The following C1orf21 variants were observed in gnomAD, a reference collection of about 807,000 sequenced individuals.
C1orf21 encodes the protein chromosome 1 open reading frame 21.
In C1orf21, 3 loss-of-function variants were observed where a neutral mutation model predicts 18.7. The ratio of observed to expected loss-of-function variants is 0.16; its 90% CI spans 0.07 to 0.42. C1orf21 has a LOEUF of 0.42. C1orf21 is among the 10% of genes least tolerant of loss of function. The probability of loss-of-function intolerance (pLI) is 0.99; values close to 1 mark genes in which losing one functional copy is unlikely to be tolerated. For synonymous variants in C1orf21, 41 were observed against 46.4 expected (o/e 0.88, Z 0.47); for missense variants, 104 against 143.6 (o/e 0.72, Z 1.41).
In C1orf21 at chr1:184,430,922, G is replaced by A. The variant is rs139568106; in HGVS notation, c.-125+43554G>A. Among the ~76,000 whole-genome samples, 991 of 152,260 alleles carry A rather than the reference G, an allele frequency of 6.5e-3. 9 individuals carry two copies. Among genetic ancestry groups the A allele is most frequent in the African/African-American group, 0.022 (896 of 41,546 alleles). The stretch of plus-strand genomic sequence containing the variant: ...ATTGATTCTTCCTATCCATGAGCAC[G>A]GAATGTTTTTCCATTTGTTTGTGTC... On this transcript the variant is annotated intron_variant, in intron 1 of 5. Coordinates refer to ENST00000235307, the MANE Select transcript of C1orf21 (RefSeq NM_030806.4).
chr1:184,444,513 G>GC (rs1182068014), intron 1 of C1orf21, among the ~76,000 whole-genome samples: 1 of 152,052 alleles, frequency 6.6e-6, no homozygotes, highest in Admixed American at 6.6e-5. Flanking sequence ...GGCCTCCCCA[G>GC]CCATGTGGAA....
intron 1 of C1orf21, among the ~76,000 whole-genome samples, chr1:184,418,229 A>T (rs60492074): frequency 0.44 from 66,874 of 151,432 alleles, 18,987 homozygotes; most frequent in African/African-American, 0.82. Context: ...ACTTCTCTTT[A>T]TTTTTTGGAG....
chr1:184,499,693 G>C (rs1657944646), intron 2 of C1orf21, among the ~76,000 whole-genome samples: 1 of 151,930 alleles, frequency 6.6e-6, no homozygotes, highest in African/African-American at 2.4e-5. Context: ...AACTGACTTG[G>C]TAGTTAAGAG....
intron 1 of C1orf21, among the ~76,000 whole-genome samples, chr1:184,437,370 C>T (rs750647500): frequency 6.6e-6 from 1 of 152,108 alleles, no homozygotes; most frequent in Non-Finnish European, 1.5e-5. Flanking sequence ...TCAGGAAATC[C>T]TTGTCTCATA....
At chr1:184,517,396 A>G (rs1306675984) in intron 3 of C1orf21, among the ~76,000 whole-genome samples, 1 of 152,184 alleles carries the variant, frequency 6.6e-6, no homozygotes, top group Non-Finnish European at 1.5e-5. Flanking sequence ...ATGACTATTT[A>G]CCTTTGAGTT....
At chr1:184,402,832 C>G (rs1475104304) in intron 1 of C1orf21, among the ~76,000 whole-genome samples, 1 of 152,154 alleles carries the variant, frequency 6.6e-6, no homozygotes, top group African/African-American at 2.4e-5. Flanking sequence ...TCGCGTCTAC[C>G]AGATTGACAA....
Position 184,623,518 on chromosome 1 carries a change from T to A in C1orf21, c.*3962T>A, listed in dbSNP as rs1052432913. 2 of 152,064 alleles carry A rather than the reference T, an allele frequency of 1.3e-5. No individual in the cohort carries two copies. The highest frequency in any genetic ancestry group is 4.8e-5 in the African/African-American group (2 of 41,378). The allele number at this position is 152,064 out of a possible 1,614,324, so 9.4% of individuals were successfully genotyped here. On this transcript the variant is annotated 3_prime_UTR_variant, in exon 6 of 6. Transcript: ENST00000235307. ...ACCAAAAAAAATAATAAGGCATGAT[T>A]GGTGGGGAGGGAATGTGTATTTAGG...
intron 1 of C1orf21, among the ~76,000 whole-genome samples, chr1:184,404,234 C>T (rs1320230798): frequency 6.6e-6 from 1 of 152,152 alleles, no homozygotes; most frequent in African/African-American, 2.4e-5. Context: ...CTTTCTGTTC[C>T]AGAGTATCTT....
intron 3 of C1orf21, among the ~76,000 whole-genome samples, chr1:184,569,342 A>T (rs1659078534): frequency 6.6e-6 from 1 of 152,210 alleles, no homozygotes; most frequent in South Asian, 2.1e-4. Flanking sequence ...CATTTCCATC[A>T]TCAGTGGTCA....
intron 3 of C1orf21, among the ~76,000 whole-genome samples, chr1:184,575,355 A>G (rs540300502): frequency 6.8e-4 from 103 of 152,278 alleles, no homozygotes; most frequent in Non-Finnish European, 1.3e-3. Context: ...CACAACAGAG[A>G]TGACTCTTGT....
intron 3 of C1orf21, among the ~76,000 whole-genome samples, chr1:184,574,841 T>C (rs1019572763): frequency 6.6e-6 from 1 of 152,256 alleles, no homozygotes; most frequent in Non-Finnish European, 1.5e-5. Flanking sequence ...TCTTTCTCCC[T>C]GACCAGCAGC....
chr1:184,491,572 G>C (rs550234678), intron 2 of C1orf21, among the ~76,000 whole-genome samples: 1 of 152,058 alleles, frequency 6.6e-6, no homozygotes, highest in Admixed American at 6.6e-5. Flanking sequence ...GGCTGTTCTC[G>C]AACTCCTGAG....
intron 1 of C1orf21, among the ~76,000 whole-genome samples, chr1:184,396,881 T>C (rs1261684824): frequency 1.3e-5 from 2 of 152,262 alleles, no homozygotes; most frequent in Admixed American, 1.3e-4. Flanking sequence ...TATTTGTTTT[T>C]GATCCTTTTG....
At chr1:184,515,183 C>G (rs1040281500) in intron 3 of C1orf21, among the ~76,000 whole-genome samples, 1 of 152,256 alleles carries the variant, frequency 6.6e-6, no homozygotes, top group South Asian at 2.1e-4. Flanking sequence ...GGAGTTGGGT[C>G]AGGTGGGAAT....
chr1:184,587,488 A>G (rs1659373461), intron 3 of C1orf21, among the ~76,000 whole-genome samples: 1 of 150,284 alleles, frequency 6.7e-6, no homozygotes, highest in African/African-American at 2.5e-5. Context: ...TCTCGTAGAA[A>G]TCTTTTAGCT....
intron 1 of C1orf21, among the ~76,000 whole-genome samples, chr1:184,397,749 T>C (rs1200505813): frequency 1.3e-5 from 2 of 152,186 alleles, no homozygotes; most frequent in Non-Finnish European, 2.9e-5. Flanking sequence ...TAGTAAAAAT[T>C]TGGAGCCATG....
intron 5 of C1orf21, among the ~76,000 whole-genome samples, chr1:184,605,872 T>TA (rs1410448872): frequency 6.6e-6 from 1 of 152,246 alleles, no homozygotes; most frequent in Non-Finnish European, 1.5e-5. Context: ...CCTGTGTTTG[T>TA]ACCATCAAGG....
At chr1:184,569,963 G>A (rs143105632) in intron 3 of C1orf21, among the ~76,000 whole-genome samples, 28 of 152,336 alleles carry the variant, frequency 1.8e-4, no homozygotes, top group Admixed American at 3.9e-4. Flanking sequence ...GGACACTGCA[G>A]TCTGGTCTAT....
At chr1:184,401,423 G>A (rs950379482) in intron 1 of C1orf21, among the ~76,000 whole-genome samples, 2 of 151,972 alleles carry the variant, frequency 1.3e-5, no homozygotes, top group African/African-American at 2.4e-5. Context: ...GTTTCGCCAC[G>A]CAGCCAGCCT....
Sources: allele counts gnomAD v4.1 joint callset (sites outside exome capture counted in the v4.1 genomes callset), GRCh38; gene constraint gnomAD v4.1.1; transcripts MANE v1.5; gene names NCBI Gene and HGNC (gene_info 2026-07-23, HGNC 2026-07-21).